KLHL32: variants seen among roughly 807,000 people sequenced by gnomAD.
The protein encoded by KLHL32 is kelch like family member 32.
KLHL32 carries 35 observed loss-of-function variants against 64.8 expected under a neutral mutation model. The observed-to-expected ratio is 0.54, with a 90% CI of 0.41 to 0.72. The LOEUF is 0.72. KLHL32 is among the 30% of genes least tolerant of loss of function. The probability of loss-of-function intolerance (pLI) is 0.00; values close to 1 mark genes in which losing one functional copy is unlikely to be tolerated. For synonymous variants in KLHL32, 259 were observed against 281.0 expected, an observed-to-expected ratio of 0.92 and a Z score of 0.78; for missense variants, 589 against 768.5, an observed-to-expected ratio of 0.77 and a Z score of 2.76.
intron 1 of KLHL32, among the ~76,000 whole-genome samples, chr6:96,947,893 C>A (rs966469837): frequency 6.6e-6 from 1 of 152,064 alleles, no homozygotes; most frequent in Non-Finnish European, 1.5e-5. Flanking sequence ...AGTTTGCACC[C>A]TTATCTTATG....
chr6:97,108,751 A>G (rs1352680414), intron 6 of KLHL32, among the ~76,000 whole-genome samples: 1 of 152,222 alleles, frequency 6.6e-6, no homozygotes, highest in Non-Finnish European at 1.5e-5. Context: ...ACTTTATGTT[A>G]TCAGAATCAG....
intron 7 of KLHL32, among the ~76,000 whole-genome samples, chr6:97,116,909 T>C (rs1797857564): frequency 6.6e-6 from 1 of 152,238 alleles, no homozygotes; most frequent in South Asian, 2.1e-4. Flanking sequence ...ATGCTGCCTC[T>C]GTTAACCAAA....
chr6:97,012,421 A>C (rs1026259307), intron 3 of KLHL32, among the ~76,000 whole-genome samples: 2 of 152,228 alleles, frequency 1.3e-5, no homozygotes, highest in Non-Finnish European at 2.9e-5. Flanking sequence ...GACTTCTGTA[A>C]GCTGGAAAAG....
chr6:97,013,368 G>A (rs545422747), intron 3 of KLHL32, among the ~76,000 whole-genome samples: 1 of 152,200 alleles, frequency 6.6e-6, no homozygotes, highest in African/African-American at 2.4e-5. Context: ...CCTTGGTTTC[G>A]TTGTTGTAAA....
intron 5 of KLHL32, among the ~76,000 whole-genome samples, chr6:97,077,881 G>A (rs572311962): frequency 2.0e-5 from 3 of 152,222 alleles, no homozygotes; most frequent in African/African-American, 7.2e-5. Flanking sequence ...AAAAGCATAC[G>A]ATGCGAAATC....
At chr6:97,024,348 A>G (rs949356410) in intron 3 of KLHL32, among the ~76,000 whole-genome samples, 1 of 151,478 alleles carries the variant, frequency 6.6e-6, no homozygotes, top group African/African-American at 2.4e-5. Flanking sequence ...ATTCTGATGT[A>G]CTGTGGGACA....
chr6:97,070,803 C>A (rs149347855), intron 5 of KLHL32, among the ~76,000 whole-genome samples: 1 of 152,144 alleles, frequency 6.6e-6, no homozygotes, highest in East Asian at 1.9e-4. Flanking sequence ...AGTTCAGAAT[C>A]AATAATCAAA....
intron 1 of KLHL32, among the ~76,000 whole-genome samples, chr6:96,928,474 T>C (rs1348104709): frequency 1.3e-5 from 2 of 151,920 alleles, no homozygotes; most frequent in Admixed American, 1.3e-4. Flanking sequence ...GAAGACAAAT[T>C]TGGGAAGGAG....
rs113401324 is a variant in KLHL32 at position 96,953,893 on chromosome 6, C to A, written c.-65-13103C>A. Reference sequence around the variant, plus strand: ...GCTTATGTTTTTATATTGTTATCAACAATTCAATCCTCAAACTCTCCTCTA... The same window carrying A: ...GCTTATGTTTTTATATTGTTATCAAAAATTCAATCCTCAAACTCTCCTCTA... On this transcript the variant is annotated intron_variant, in intron 1 of 10. Transcript: ENST00000369261. Among the ~76,000 whole-genome samples the A allele has an allele frequency of 8.5e-3, 1,272 of 148,822 alleles. 31 individuals carry two copies. Among genetic ancestry groups the A allele is most frequent in the African/African-American group, 0.03 (1,221 of 40,340 alleles).
chr6:97,014,947 G>T (rs535498604), intron 3 of KLHL32, among the ~76,000 whole-genome samples: 1 of 152,198 alleles, frequency 6.6e-6, no homozygotes, highest in Admixed American at 6.5e-5. Context: ...GACCTGGTGG[G>T]AGGTGATTGA....
At chr6:97,041,670 G>T in intron 4 of KLHL32, 71 bp downstream of exon 4, 2 of 871,852 alleles carry the variant, frequency 2.3e-6, no homozygotes, top group Non-Finnish European at 3.8e-6. Context: ...TTATCCTTGA[G>T]GTATGAGATT....
intron 3 of KLHL32, among the ~76,000 whole-genome samples, chr6:97,038,940 A>G (rs1784691903): frequency 6.6e-6 from 1 of 151,804 alleles, no homozygotes; most frequent in Non-Finnish European, 1.5e-5. Flanking sequence ...AAATACAAAA[A>G]TTAGCTGGGT....
At chr6:96,939,441 A>G (rs1298832666) in intron 1 of KLHL32, among the ~76,000 whole-genome samples, 1 of 152,234 alleles carries the variant, frequency 6.6e-6, no homozygotes, top group Non-Finnish European at 1.5e-5. Flanking sequence ...GAGTGAGATT[A>G]CAATACAAAT....
chr6:97,055,464 A>G (rs1562285763), intron 4 of KLHL32, among the ~76,000 whole-genome samples: 2 of 152,132 alleles, frequency 1.3e-5, no homozygotes, highest in South Asian at 4.1e-4. Context: ...CTCTTCTGCC[A>G]TCAGTTTCTC....
At chr6:97,099,322 C>T (rs971392740) in intron 6 of KLHL32, among the ~76,000 whole-genome samples, 1 of 152,234 alleles carries the variant, frequency 6.6e-6, no homozygotes, top group Admixed American at 6.5e-5. Context: ...CCAGGCTGGG[C>T]CTGCTCATGG....
At chr6:97,102,181 C>T (rs1402357069) in intron 6 of KLHL32, among the ~76,000 whole-genome samples, 1 of 151,294 alleles carries the variant, frequency 6.6e-6, no homozygotes, top group African/African-American at 2.5e-5. Context: ...GACATCAAGT[C>T]CTGTATTCTT....
chr6:97,091,509 G>A (rs1453934050), intron 6 of KLHL32, among the ~76,000 whole-genome samples: 2 of 152,200 alleles, frequency 1.3e-5, no homozygotes. Flanking sequence ...GCTGTCATGG[G>A]CCTGACAGTG....
the KLHL32 span, among the ~76,000 whole-genome samples, chr6:96,901,985 T>C: frequency 1.3e-5 from 2 of 152,250 alleles, no homozygotes; most frequent in East Asian, 3.8e-4. Context: ...CTATCATTGA[T>C]GGACAGTTAG....
At chr6:97,067,027 G>C (rs1789878566) in intron 5 of KLHL32, among the ~76,000 whole-genome samples, 1 of 152,112 alleles carries the variant, frequency 6.6e-6, no homozygotes, top group Non-Finnish European at 1.5e-5. Flanking sequence ...AAGATGTCTG[G>C]TATTGTTTTG....
Sources: allele counts gnomAD v4.1 joint callset (sites outside exome capture counted in the v4.1 genomes callset), GRCh38; gene constraint gnomAD v4.1.1; transcripts MANE v1.5; gene names NCBI Gene and HGNC (gene_info 2026-07-23, HGNC 2026-07-21).